PLXNB1: variants seen among roughly 807,000 people sequenced by gnomAD.
The protein encoded by PLXNB1 is plexin B1, also known as plexin-B1.
PLXNB1 carries 106 observed loss-of-function variants against 209.4 expected under a neutral mutation model. That is an observed-to-expected ratio of 0.51 (90% CI 0.43 to 0.59). The LOEUF (loss-of-function observed/expected upper bound fraction) is 0.59, where lower values mean the gene tolerates loss of function less well. Among genes scored for constraint, PLXNB1 ranks in the 20% least tolerant of loss-of-function variants. PLXNB1 has a pLI of 0.00. For missense variants in PLXNB1, 2,357 were observed against 2,853.2 expected (o/e 0.83, Z 3.96); for synonymous variants, 1,167 against 1,183.2 (o/e 0.99, Z 0.28).
chr3:48,419,598 G>A lies in PLXNB1; in HGVS notation c.2688C>T (p.Asp896=), dbSNP rs750366007. The change falls in exon 11 of 38, where the codon GAC becomes GAT. Residue 896 remains aspartate, a synonymous_variant. Transcript: ENST00000296440. This position sits in a 1 kb window ranked among gnomAD's most constrained non-coding sequence, Gnocchi z 5.7. ...TCACCAGCTCCCAGAGCCCGGGGGT[G>A]TCATACTGGTAGTCGAGGCTGGACG... ...ILPSSLDYQY[D]TPGLWELEEA... 1 of 1,610,538 alleles carries A rather than the reference G, an allele frequency of 6.2e-7. No homozygotes were observed. The highest frequency in any genetic ancestry group is 8.5e-7 in the Non-Finnish European group (1 of 1,178,278).
Position 48,414,945 on chromosome 3 carries a change from A to C in PLXNB1, c.4063T>G (p.Phe1355Val). The C allele has an allele frequency of 6.2e-7, 1 of 1,613,940 alleles. No individual in the cohort carries two copies. Among genetic ancestry groups the C allele is most frequent in the Non-Finnish European group, 8.5e-7 (1 of 1,180,032 alleles). ...TCAAAGACCAGGTTGTCAAGGATAA[A>C]TTCCACCCGGACCCAGGGGTCCTCA... ...LPEDPWVRVE[F>V]ILDNLVFDFA... The change falls in exon 21 of 38, where the codon TTT (phenylalanine) becomes GTT (valine). Residue 1355 changes from phenylalanine (F) to valine (V), a missense_variant. Phe to Val is a conservative substitution (Grantham distance 50). Coordinates refer to ENST00000296440, the MANE Select transcript of PLXNB1 (RefSeq NM_001130082.3).
chr3:48,424,404 T>G lies in PLXNB1; in HGVS notation c.208A>C (p.Thr70Pro), dbSNP rs773237707. 1 of 1,563,124 alleles carries G rather than the reference T, an allele frequency of 6.4e-7. No individual in the cohort carries two copies. The highest frequency in any genetic ancestry group is 8.7e-7 in the Non-Finnish European group (1 of 1,153,358). ...PGLQLEATVS[T>P]GPVLDSRDCL... ...TCCCTGCTGTCTAGCACAGGGCCGG[T>G]GGACACTGTGGCCTCCAGCTGCAGC... The change falls in exon 3 of 38, where the codon ACC (threonine) becomes CCC (proline). Residue 70 changes from threonine (T) to proline (P), a missense_variant. Transcript: ENST00000296440.
In PLXNB1 at chr3:48,406,760, A is replaced by C. The variant is rs1000097168; in HGVS notation, c.6228+63T>G. The C allele has an allele frequency of 1.4e-5, 22 of 1,541,706 alleles. No individual in the cohort carries two copies. In the African/African-American group the frequency reaches 2.3e-4, roughly 16 times the overall value. Reference sequence around the variant, plus strand: ...GCTTCCCTGCAAAGGGGCAGTGTGAAGGGGGAAGGACCGTTGTGGCAGGAG... The same window carrying C: ...GCTTCCCTGCAAAGGGGCAGTGTGACGGGGGAAGGACCGTTGTGGCAGGAG... On this transcript the variant is annotated intron_variant, in intron 36 of 37. Coordinates refer to ENST00000296440, the MANE Select transcript of PLXNB1 (RefSeq NM_001130082.3). This position sits in a 1 kb window ranked among gnomAD's most constrained non-coding sequence, Gnocchi z 4.4.
chr3:48,421,028 G>A, intron 8 of PLXNB1, 72 bp from the exon 9 acceptor site: 1 of 1,376,040 alleles, frequency 7.3e-7, no homozygotes, highest in South Asian at 1.2e-5. Context: ...GATATCCTGA[G>A]CCCTTGAATG....
Position 48,417,866 on chromosome 3 carries a change from A to G in PLXNB1, c.3374+45T>C. The G allele has an allele frequency of 6.4e-7, 1 of 1,568,092 alleles. No individual in the cohort carries two copies. Among genetic ancestry groups the G allele is most frequent in the South Asian group, 1.1e-5 (1 of 87,016 alleles). ...CCCCAAGCAGCAACGCCAACCGCGG[A>G]GGCCCCAGGCTGCGCCGTGCTCCTG... On this transcript the variant is annotated intron_variant, in intron 16 of 37. Transcript: ENST00000296440. This position sits in a 1 kb window ranked among gnomAD's most constrained non-coding sequence, Gnocchi z 4.4.
chr3:48,429,563 G>C lies in PLXNB1; in HGVS notation c.-60+445C>G, dbSNP rs2039082926. On this transcript the variant is annotated intron_variant, in intron 1 of 37. Coordinates refer to ENST00000296440, the MANE Select transcript of PLXNB1 (RefSeq NM_001130082.3). This position sits in a 1 kb window ranked among gnomAD's most constrained non-coding sequence, Gnocchi z 6.4. ...CCCGGAGAGCCGGGCGCGCGGCCCCGAACCGCCCGGGACCCCGCATTCCAG... is the reference window on the plus strand; with the variant it reads ...CCCGGAGAGCCGGGCGCGCGGCCCCCAACCGCCCGGGACCCCGCATTCCAG... The C allele has an allele frequency of 6.6e-6, 1 of 151,220 alleles. No individual in the cohort carries two copies. The highest frequency in any genetic ancestry group is 2.4e-5 in the African/African-American group (1 of 41,236). The allele number at this position is 151,220 out of a possible 1,614,324, so 9.4% of individuals were successfully genotyped here.
Position 48,417,979 on chromosome 3 carries a change from C to T in PLXNB1, c.3306G>A (p.Val1102=), listed in dbSNP as rs1481257688. ...CTCCAGCCACCGTGACCATGCCCAG[C>T]ACATCCTGCACATGCTGGCCCAGGT... ...GSNLGQHVQD[V]LGMVTVAGVP... is the part of the protein sequence containing the mutation. Residue 1102 remains valine, a synonymous_variant, in exon 16 of 38, where the codon GTG becomes GTA. Coordinates refer to ENST00000296440, the MANE Select transcript of PLXNB1 (RefSeq NM_001130082.3). The surrounding 1 kb of genome is among the most constrained non-coding windows in gnomAD (Gnocchi z 4.4). The T allele has an allele frequency of 6.2e-7, 1 of 1,613,528 alleles. No homozygotes were observed. Among genetic ancestry groups the T allele is most frequent in the South Asian group, 1.1e-5 (1 of 91,086 alleles).
At position 48,406,456 on chromosome 3, in the gene PLXNB1, G is replaced by A. The variant is rs943028015; in HGVS notation, c.6228+367C>T. The A allele has an allele frequency of 3.5e-5, 12 of 343,340 alleles. No homozygotes were observed. Among genetic ancestry groups the A allele is most frequent in the African/African-American group, 2.0e-4 (9 of 44,938 alleles). The allele number at this position is 343,340 out of a possible 1,614,324, so 21.3% of individuals were successfully genotyped here. On this transcript the variant is annotated intron_variant, in intron 36 of 37. Coordinates refer to ENST00000296440, the MANE Select transcript of PLXNB1 (RefSeq NM_001130082.3). This position sits in a 1 kb window ranked among gnomAD's most constrained non-coding sequence, Gnocchi z 4.4. Reference sequence around the variant, plus strand: ...ACTCCCTGGAGTTACATTTTAGGGCGGTTTCAGGAATGGGAGAGGTGAAGG... The same window carrying A: ...ACTCCCTGGAGTTACATTTTAGGGCAGTTTCAGGAATGGGAGAGGTGAAGG...
In PLXNB1 at chr3:48,412,932, G is replaced by A. The variant is rs1022815355; in HGVS notation, c.4664C>T (p.Thr1555Ile). The A allele has an allele frequency of 6.2e-7, 1 of 1,614,130 alleles. No individual in the cohort carries two copies. The change falls in exon 25 of 38, where the codon ACC becomes ATC. Residue 1555 changes from threonine (T) to isoleucine (I), a missense_variant. By Grantham distance (89) the Thr-to-Ile change is moderately conservative. This residue lies in a region of PLXNB1 where 743 missense variants were observed against 896.2 expected (regional missense o/e 0.83). Transcript: ENST00000296440. ...GATGCCGCTGCCCAGGAGGTCACTG[G>A]TGAGATCGGTCATCTCAGTCATGAG... Reference protein sequence around the residue: ...TDLMTEMTDLTSDLLGSGIPF... With the variant: ...TDLMTEMTDLISDLLGSGIPF...
chr3:48,421,105 G>C (rs2038486566), intron 8 of PLXNB1, 123 bp downstream of exon 8: 1 of 1,325,126 alleles, frequency 7.5e-7, no homozygotes, highest in Non-Finnish European at 1.1e-6. Flanking sequence ...GGTGGTTGGG[G>C]AGTGGGAGGA....
In PLXNB1 at chr3:48,411,795, A is replaced by C; in HGVS notation, c.5247+68T>G. 3 of 1,551,124 alleles carry C rather than the reference A, an allele frequency of 1.9e-6. No individual in the cohort carries two copies. Among genetic ancestry groups the C allele is most frequent in the South Asian group, 1.2e-5 (1 of 82,872 alleles). ...AGAAGCTGGTGTCCAGACCCCACAC[A>C]CCCACACACTCTCCACCCTCGCCCT... On this transcript the variant is annotated intron_variant, in intron 28 of 37. Coordinates refer to ENST00000296440, the MANE Select transcript of PLXNB1 (RefSeq NM_001130082.3). The surrounding 1 kb of genome is among the most constrained non-coding windows in gnomAD (Gnocchi z 4.0).
In PLXNB1 at chr3:48,418,851, C is replaced by G. The variant is rs887522440; in HGVS notation, c.2955+66G>C. ...CTGGAAAGTGTGGTGCAGCCAGCTA[C>G]AGTTGGCAGCCAGCCTGTGGCCAGT... is the stretch of plus-strand genomic sequence containing the variant. On this transcript the variant is annotated intron_variant, in intron 13 of 37. Coordinates refer to ENST00000296440, the MANE Select transcript of PLXNB1 (RefSeq NM_001130082.3). This position sits in a 1 kb window ranked among gnomAD's most constrained non-coding sequence, Gnocchi z 6.6. 1.3e-5 allele frequency: 20 copies of G among 1,591,960 alleles called. No individual in the cohort carries two copies. In the African/African-American group the frequency reaches 2.4e-4, roughly 19 times the overall value.
In PLXNB1 at chr3:48,416,852, T is replaced by G. The variant is rs2038135221; in HGVS notation, c.3375-401A>C. On this transcript the variant is annotated intron_variant, in intron 16 of 37. Transcript: ENST00000296440. This position sits in a 1 kb window ranked among gnomAD's most constrained non-coding sequence, Gnocchi z 4.1. ...AAAGCATGGTAGAAACTTGATTTAT[T>G]CAGGAAAAAGAGTCCCTGAAAGCCT... 6.2e-6 allele frequency: 1 copy of G among 160,096 alleles called. No individual in the cohort carries two copies. The highest frequency in any genetic ancestry group is 2.0e-4 in the South Asian group (1 of 4,914). 9.9% of individuals were successfully genotyped at this position (160,096 alleles called of 1,614,324 possible). A position where few individuals can be genotyped will look rare whatever the true frequency, so the allele number is the denominator to read the frequency against.
At position 48,420,097 on chromosome 3, in the gene PLXNB1, G is replaced by A. The variant is rs769166079; in HGVS notation, c.2189C>T (p.Pro730Leu). 24 of 1,613,546 alleles carry A rather than the reference G, an allele frequency of 1.5e-5. No homozygotes were observed. In the South Asian group the frequency reaches 2.5e-4, roughly 17 times the overall value. ...TASDISPGAS[P>L]SLLSPWGPWA... ...TGGCCCCCAGGGGCTGAGCAGGGAA[G>A]GACTAGCCCCAGGTGAGATGTCCGA... Residue 730 changes from proline (P) to leucine (L), a missense_variant, in exon 11 of 38, where the codon CCT (proline) becomes CTT (leucine). Pro to Leu is a moderately conservative substitution (Grantham distance 98). Coordinates refer to ENST00000296440, the MANE Select transcript of PLXNB1 (RefSeq NM_001130082.3).
rs1267310281 is a variant in PLXNB1 at position 48,417,875 on chromosome 3, G to A, written c.3374+36C>T. On this transcript the variant is annotated intron_variant, in intron 16 of 37. Transcript: ENST00000296440. The surrounding 1 kb of genome is among the most constrained non-coding windows in gnomAD (Gnocchi z 4.4). ...GCAACGCCAACCGCGGAGGCCCCAGGCTGCGCCGTGCTCCTGCTGGGTGCA... is the reference window on the plus strand; with the variant it reads ...GCAACGCCAACCGCGGAGGCCCCAGACTGCGCCGTGCTCCTGCTGGGTGCA... 2 of 1,584,018 alleles carry A rather than the reference G, an allele frequency of 1.3e-6. No individual in the cohort carries two copies. The highest frequency in any genetic ancestry group is 1.7e-6 in the Non-Finnish European group (2 of 1,161,692).
chr3:48,420,123 A>C lies in PLXNB1; in HGVS notation c.2163T>G (p.Ala721=). The change falls in exon 11 of 38, where the codon GCT becomes GCG. Residue 721 remains alanine, a synonymous_variant. Transcript: ENST00000296440. ...VEPGAPSTAT[A]SDISPGASPS... ...GACTAGCCCCAGGTGAGATGTCCGA[A>C]GCTGTGGCTGTGGAGGGAGCCCCAG... 1 of 1,595,558 alleles carries C rather than the reference A, an allele frequency of 6.3e-7. No individual in the cohort carries two copies. The highest frequency in any genetic ancestry group is 8.5e-7 in the Non-Finnish European group (1 of 1,169,740).
rs1205257484 is a variant in PLXNB1, at chr3:48,405,873, G to A, written c.6229-75C>T. 1.7e-6 allele frequency: 2 copies of A among 1,173,816 alleles called. No homozygotes were observed. The highest frequency in any genetic ancestry group is 2.4e-5 in the East Asian group (1 of 42,284). The allele number at this position is 1,173,816 out of a possible 1,614,324, so 72.7% of individuals were successfully genotyped here. On this transcript the variant is annotated intron_variant, in intron 36 of 37. Coordinates refer to ENST00000296440, the MANE Select transcript of PLXNB1 (RefSeq NM_001130082.3). The surrounding 1 kb of genome is among the most constrained non-coding windows in gnomAD (Gnocchi z 5.0). ...CCACAGGAGGCAGCCCAGGACCCCA[G>A]GGAAGGGCTGGGGGAGAAGGGGACC... is the stretch of plus-strand genomic sequence containing the variant.
In PLXNB1 at chr3:48,405,618, C is replaced by T; in HGVS notation, c.6303+106G>A. 1.1e-6 allele frequency: 1 copy of T among 876,492 alleles called. No homozygotes were observed. The highest frequency in any genetic ancestry group is 1.8e-6 in the Non-Finnish European group (1 of 551,140). 54.3% of individuals were successfully genotyped at this position (876,492 alleles called of 1,614,324 possible). ...GGGCCCGGCCCCCCACTACTCTGTC[C>T]CTGGGGAAGACCAAAGCCCCCAACG... On this transcript the variant is annotated intron_variant, in intron 37 of 37. Transcript: ENST00000296440. This position sits in a 1 kb window ranked among gnomAD's most constrained non-coding sequence, Gnocchi z 5.0.
Position 48,413,358 on chromosome 3 carries a change from G to C in PLXNB1, c.4536-189C>G. On this transcript the variant is annotated intron_variant, in intron 23 of 37. Transcript: ENST00000296440. This position sits in a 1 kb window ranked among gnomAD's most constrained non-coding sequence, Gnocchi z 5.4. Reference sequence around the variant, plus strand: ...AGCAAGTCACACACACCCATGCCCCGTCTAGCCCAGCACAGTTTAGCCTAG... The same window carrying C: ...AGCAAGTCACACACACCCATGCCCCCTCTAGCCCAGCACAGTTTAGCCTAG... The C allele has an allele frequency of 1.6e-6, 1 of 616,780 alleles. No homozygotes were observed. Among genetic ancestry groups the C allele is most frequent in the Non-Finnish European group, 2.9e-6 (1 of 348,682 alleles). 38.2% of individuals were successfully genotyped at this position (616,780 alleles called of 1,614,324 possible).
Sources: gnomAD v4.1 joint callset for allele counts on GRCh38, gnomAD v4.1.1 for gene constraint, gnomAD v4.1.1 regional missense constraint, Gnocchi (gnomAD v3.1) non-coding constraint, MANE v1.5 for transcripts, NCBI Gene and HGNC (gene_info 2026-07-23, HGNC 2026-07-21) for gene names.